The following RYR2 variants were observed in gnomAD, a reference collection of about 807,000 sequenced individuals.
RYR2 encodes ryanodine receptor 2.
A neutral mutation model predicts 601.1 loss-of-function variants in RYR2; 227 were observed. The observed-to-expected ratio is 0.38, with a 90% confidence interval of 0.34 to 0.42. The LOEUF is 0.42. RYR2 is among the 10% of genes least tolerant of loss of function. The pLI is 1.00. For missense variants in RYR2, 4,646 were observed against 6,156.5 expected (o/e 0.75, Z 8.21); for synonymous variants, 2,223 against 2,175.1 (o/e 1.02, Z -0.61).
intron 79 of RYR2, among the ~76,000 whole-genome samples, chr1:237,736,336 C>A (rs1691141956): frequency 6.6e-6 from 1 of 151,828 alleles, no homozygotes; most frequent in African/African-American, 2.4e-5. Flanking sequence ...TGGTGCACAC[C>A]TGTAATCCCA....
chr1:237,499,376 G>A (rs764334426), intron 20 of RYR2, among the ~76,000 whole-genome samples: 2 of 152,170 alleles, frequency 1.3e-5, no homozygotes, highest in African/African-American at 4.8e-5. Flanking sequence ...TTTAAATATA[G>A]AAGTAGTGTG....
At chr1:237,255,526 C>G (rs1320560445) in intron 1 of RYR2, among the ~76,000 whole-genome samples, 1 of 152,150 alleles carries the variant, frequency 6.6e-6, no homozygotes, top group Non-Finnish European at 1.5e-5. Flanking sequence ...ATTTCCTTTG[C>G]CTCCTGGTTT....
intron 84 of RYR2, among the ~76,000 whole-genome samples, chr1:237,762,891 C>T (rs1693541673): frequency 6.6e-6 from 1 of 152,206 alleles, no homozygotes; most frequent in Non-Finnish European, 1.5e-5. Flanking sequence ...CTCCCTTCCT[C>T]AGTCATCACT....
At chr1:237,298,467 G>A (rs1693024869) in intron 2 of RYR2, among the ~76,000 whole-genome samples, 1 of 152,038 alleles carries the variant, frequency 6.6e-6, no homozygotes, top group African/African-American at 2.4e-5. Flanking sequence ...CTTTACAGAT[G>A]GAATGTGTGG....
chr1:237,270,761 T>C (rs1689606222), intron 2 of RYR2, 145 bp downstream of exon 2: 1 of 912,712 alleles, frequency 1.1e-6, no homozygotes, highest in South Asian at 1.8e-5. Flanking sequence ...TCCATTTTGC[T>C]GATTTTTAAT....
At chr1:237,562,978 G>A (rs1034709842) in intron 27 of RYR2, among the ~76,000 whole-genome samples, 10 of 152,026 alleles carry the variant, frequency 6.6e-5, no homozygotes, top group African/African-American at 1.4e-4. Flanking sequence ...AGTTTGTTAC[G>A]GATTGCTTGG....
At chr1:237,324,108 T>C (rs1268155381) in intron 2 of RYR2, among the ~76,000 whole-genome samples, 1 of 152,166 alleles carries the variant, frequency 6.6e-6, no homozygotes, top group Non-Finnish European at 1.5e-5. Context: ...TTTGAAGCAA[T>C]GTAAAGAGGA....
At chr1:237,354,736 A>G (rs775429280) in intron 3 of RYR2, among the ~76,000 whole-genome samples, 4 of 152,142 alleles carry the variant, frequency 2.6e-5, no homozygotes, top group African/African-American at 7.2e-5. Flanking sequence ...TGAAAAATGT[A>G]TAGTGAAAAT....
At chr1:237,256,450 A>G (rs1446591219) in intron 1 of RYR2, among the ~76,000 whole-genome samples, 2 of 152,178 alleles carry the variant, frequency 1.3e-5, no homozygotes, top group South Asian at 4.1e-4. Flanking sequence ...AATTTTCATC[A>G]GTAGATTACC....
intron 39 of RYR2, among the ~76,000 whole-genome samples, chr1:237,625,349 C>T (rs775944841): frequency 1.8e-4 from 27 of 151,992 alleles, no homozygotes; most frequent in Non-Finnish European, 3.2e-4. Flanking sequence ...TCCGAGATGC[C>T]CAAGGGTTAG....
intron 27 of RYR2, among the ~76,000 whole-genome samples, chr1:237,565,538 C>T (rs532105347): frequency 6.6e-6 from 1 of 152,218 alleles, no homozygotes; most frequent in Non-Finnish European, 1.5e-5. Context: ...AGCCACCACA[C>T]CTGGCTGAAA....
chr1:237,515,288 G>A (rs546495720), intron 24 of RYR2, among the ~76,000 whole-genome samples: 11 of 152,216 alleles, frequency 7.2e-5, no homozygotes, highest in Admixed American at 2.6e-4. Context: ...AACAGCTCAC[G>A]TTTTAGAAAT....
intron 101 of RYR2, among the ~76,000 whole-genome samples, chr1:237,823,210 C>T (rs1662714355): frequency 1.3e-5 from 2 of 152,182 alleles, no homozygotes; most frequent in Non-Finnish European, 2.9e-5. Context: ...CTCTCCACCC[C>T]AAATCAACAG....
intron 50 of RYR2, among the ~76,000 whole-genome samples, chr1:237,650,948 A>C (rs1682667822): frequency 6.6e-6 from 1 of 152,232 alleles, no homozygotes; most frequent in Non-Finnish European, 1.5e-5. Context: ...CTGACACAGT[A>C]GATGTTCACT....
intron 2 of RYR2, among the ~76,000 whole-genome samples, chr1:237,298,133 A>T (rs1272896544): frequency 6.6e-6 from 1 of 152,106 alleles, no homozygotes; most frequent in African/African-American, 2.4e-5. Flanking sequence ...AAGTTACATC[A>T]TTCTCTTAAC....
chr1:237,154,742 A>G (rs1255897181), intron 1 of RYR2, among the ~76,000 whole-genome samples: 3 of 152,222 alleles, frequency 2.0e-5, no homozygotes, highest in Non-Finnish European at 4.4e-5. Context: ...TATAGACTTC[A>G]TTATATATAA....
intron 1 of RYR2, among the ~76,000 whole-genome samples, chr1:237,226,811 C>T (rs1684413299): frequency 6.6e-6 from 1 of 152,136 alleles, no homozygotes; most frequent in Non-Finnish European, 1.5e-5. Context: ...CTCTGTCACC[C>T]AGGGTGGAGT....
chr1:237,833,777 C>T lies in RYR2; in HGVS notation c.*1130C>T, dbSNP rs1013872309. 2 of 152,598 alleles carry T rather than the reference C, an allele frequency of 1.3e-5. No individual in the cohort carries two copies. Among genetic ancestry groups the T allele is most frequent in the East Asian group, 1.9e-4 (1 of 5,186 alleles). 9.5% of individuals were successfully genotyped at this position (152,598 alleles called of 1,614,324 possible). On this transcript the variant is annotated 3_prime_UTR_variant, in exon 105 of 105. Coordinates refer to ENST00000366574, the MANE Select transcript of RYR2 (RefSeq NM_001035.3). ...TGAAGCAATATCCATTCAGGGATTT[C>T]ATCAGTTGCATCACAAAACACGGAT... is the stretch of plus-strand genomic sequence containing the variant.
At chr1:237,758,110 C>T (rs1231113077) in intron 82 of RYR2, among the ~76,000 whole-genome samples, 7 of 152,148 alleles carry the variant, frequency 4.6e-5, no homozygotes, top group South Asian at 2.1e-4. Context: ...GTAACCAGCT[C>T]GTTCTGTTCC....
Sources: gnomAD v4.1 joint callset for allele counts (sites outside exome capture counted in the v4.1 genomes callset) on GRCh38, gnomAD v4.1.1 for gene constraint, MANE v1.5 for transcripts, NCBI Gene and HGNC (gene_info 2026-07-23, HGNC 2026-07-21) for gene names.